Variants in RBFOX1 observed in about 807,000 individuals in gnomAD.
RBFOX1 encodes RNA binding protein fox-1 homolog 1.
Under a neutral mutation model 57.7 loss-of-function variants are expected in RBFOX1, and 8 were observed. The observed-to-expected ratio is 0.14, with a 90% CI of 0.08 to 0.25. The LOEUF is 0.25. Ranked by LOEUF, RBFOX1 falls within the 10% of genes least tolerant of loss-of-function variation. RBFOX1 has a pLI of 1.00. For missense variants in RBFOX1, 611 were observed against 548.5 expected (o/e 1.11, Z -1.14); for synonymous variants, 326 against 222.4 (o/e 1.47, Z -4.15).
In RBFOX1 at chr16:7,215,730, T is replaced by TTTTC. The variant is rs1463893612; in HGVS notation, c.27+163635_27+163636insCTTT. 2.0e-5 allele frequency among the ~76,000 whole-genome samples: 3 copies of TTTTC among 150,868 alleles called. 1 individual carries two copies. The highest frequency in any genetic ancestry group is 7.4e-5 in the African/African-American group (3 of 40,800). The stretch of plus-strand genomic sequence containing the variant: ...TAAGAATTGGCCTATTCTGGATTTT[T>TTTTC]TTTTTTTTTTTTGAGACGGAGTCTT... On this transcript the variant is annotated intron_variant, in intron 4 of 15. Coordinates refer to ENST00000550418, the MANE Select transcript of RBFOX1 (RefSeq NM_018723.4).
chr16:5,417,456 G>C (rs2067191398), intron 1 of RBFOX1, among the ~76,000 whole-genome samples: 1 of 152,178 alleles, frequency 6.6e-6, no homozygotes, highest in Non-Finnish European at 1.5e-5. Context: ...TTTTTGTGGT[G>C]AAAGAGCACA....
intron 3 of RBFOX1, among the ~76,000 whole-genome samples, chr16:6,977,104 T>C (rs982590368): frequency 7.1e-6 from 1 of 140,512 alleles, no homozygotes; most frequent in Non-Finnish European, 1.5e-5. Context: ...ATATATATCA[T>C]ATATATGATC....
At chr16:7,364,671 C>G (rs1342062791) in intron 4 of RBFOX1, among the ~76,000 whole-genome samples, 1 of 151,180 alleles carries the variant, frequency 6.6e-6, no homozygotes, top group East Asian at 1.9e-4. Context: ...TTTCTTCTAT[C>G]TGAATGATCC....
intron 4 of RBFOX1, among the ~76,000 whole-genome samples, chr16:7,219,754 C>T (rs1486053028): frequency 6.6e-6 from 1 of 152,138 alleles, no homozygotes; most frequent in Non-Finnish European, 1.5e-5. Context: ...GACTCCATTC[C>T]TTTTAGAAAA....
chr16:5,625,535 GTTATTTATTTAC>G (rs754652924), intron 3 of RBFOX1, among the ~76,000 whole-genome samples: 2,902 of 143,104 alleles, frequency 0.02, 107 homozygotes, highest in African/African-American at 0.076. Flanking sequence ...AATATTTTTT[GTTATTTATTTAC>G]TTATTTATTT....
intron 4 of RBFOX1, among the ~76,000 whole-genome samples, chr16:7,060,716 T>A (rs2053983485): frequency 6.6e-6 from 1 of 152,160 alleles, no homozygotes; most frequent in Non-Finnish European, 1.5e-5. Context: ...CCAAGGAGGG[T>A]GACATTTCCA....
rs61434992 is a variant in RBFOX1 at position 7,494,830 on chromosome 16, CTT to C, written c.28-23299_28-23298del. 1.4e-3 allele frequency among the ~76,000 whole-genome samples: 171 copies of C among 125,448 alleles called. 6 individuals are homozygous for C. The highest frequency in any genetic ancestry group is 9.0e-3 in the East Asian group (40 of 4,444). The allele number at this position is 125,448 out of a possible 152,430, so 82.3% of individuals were successfully genotyped here. Reference sequence around the variant, plus strand: ...TTAATATCAGGAACTGTGTTACCTACTTTTTTTTTTTTTTTTTTTGCACTATA... The same window carrying C: ...TTAATATCAGGAACTGTGTTACCTACTTTTTTTTTTTTTTTTTGCACTATA... On this transcript the variant is annotated intron_variant, in intron 4 of 15. Coordinates refer to ENST00000550418, the MANE Select transcript of RBFOX1 (RefSeq NM_018723.4).
At chr16:5,831,098 A>G (rs1248535049) in intron 3 of RBFOX1, among the ~76,000 whole-genome samples, 1 of 152,146 alleles carries the variant, frequency 6.6e-6, no homozygotes, top group Non-Finnish European at 1.5e-5. Context: ...AGTACGTGCC[A>G]CAGAGTAGGC....
intron 3 of RBFOX1, among the ~76,000 whole-genome samples, chr16:5,837,714 G>T (rs1053907566): frequency 1.3e-5 from 2 of 151,800 alleles, no homozygotes; most frequent in Admixed American, 1.3e-4. Context: ...TACCTTTAGA[G>T]CTCCATGTGG....
chr16:5,591,935 A>G (rs979632591), intron 2 of RBFOX1, among the ~76,000 whole-genome samples: 7 of 152,222 alleles, frequency 4.6e-5, no homozygotes, highest in African/African-American at 7.2e-5. Flanking sequence ...ATGTTGGCCA[A>G]TGTATAATTT....
At chr16:5,316,605 T>C (rs969477692) in intron 1 of RBFOX1, among the ~76,000 whole-genome samples, 2 of 152,222 alleles carry the variant, frequency 1.3e-5, no homozygotes, top group African/African-American at 4.8e-5. Flanking sequence ...TTCTCATCTG[T>C]AAAAACTAGA....
intron 4 of RBFOX1, among the ~76,000 whole-genome samples, chr16:7,160,475 G>A (rs1294408104): frequency 6.6e-6 from 1 of 152,006 alleles, no homozygotes; most frequent in Non-Finnish European, 1.5e-5. Context: ...GTAACGTGCA[G>A]CATGAACTAC....
chr16:7,236,387 T>A (rs896145769), intron 4 of RBFOX1, among the ~76,000 whole-genome samples: 1 of 152,186 alleles, frequency 6.6e-6, no homozygotes, highest in African/African-American at 2.4e-5. Context: ...TAGAGGGGCG[T>A]ACCCTCTTTT....
At chr16:6,544,312 C>A (rs544848703) in intron 2 of RBFOX1, among the ~76,000 whole-genome samples, 2 of 152,160 alleles carry the variant, frequency 1.3e-5, no homozygotes, top group Admixed American at 6.5e-5. Flanking sequence ...TCAAATCAAG[C>A]ATATCTAGAG....
At chr16:7,382,329 A>C (rs1414708724) in intron 4 of RBFOX1, among the ~76,000 whole-genome samples, 1 of 152,176 alleles carries the variant, frequency 6.6e-6, no homozygotes, top group Non-Finnish European at 1.5e-5. Flanking sequence ...ACAGCCCTCA[A>C]GAGTTTATTT....
intron 1 of RBFOX1, among the ~76,000 whole-genome samples, chr16:5,374,544 G>C (rs1375381255): frequency 1.3e-5 from 2 of 152,152 alleles, no homozygotes; most frequent in East Asian, 3.9e-4. Context: ...GGAGTGGGAA[G>C]GGGAGAGTGG....
intron 3 of RBFOX1, among the ~76,000 whole-genome samples, chr16:6,693,699 A>G (rs71392491): frequency 7.3e-5 from 11 of 149,938 alleles, no homozygotes; most frequent in African/African-American, 2.0e-4. Flanking sequence ...CATCATCACC[A>G]TCATCCTCCT....
chr16:6,758,862 G>C (rs902616389), intron 3 of RBFOX1, among the ~76,000 whole-genome samples: 6 of 152,076 alleles, frequency 3.9e-5, no homozygotes, highest in Non-Finnish European at 8.8e-5. Context: ...AATTAGATAA[G>C]AAACCTCATC....
intron 2 of RBFOX1, among the ~76,000 whole-genome samples, chr16:6,560,961 G>C (rs762294184): frequency 8.5e-5 from 13 of 152,194 alleles, no homozygotes; most frequent in Admixed American, 5.9e-4. Context: ...ATGTGCTGTA[G>C]ATAGTCAATG....
Sources: allele counts gnomAD v4.1 joint callset (sites outside exome capture counted in the v4.1 genomes callset), GRCh38; gene constraint gnomAD v4.1.1; transcripts MANE v1.5; gene names NCBI Gene and HGNC (gene_info 2026-07-23, HGNC 2026-07-21).